Variants in MYCBP2 observed in about 807,000 individuals in gnomAD.
MYCBP2 encodes the protein E3 ubiquitin-protein ligase MYCBP2.
In MYCBP2, 120 loss-of-function variants were observed where a neutral mutation model predicts 525.3. The observed-to-expected ratio is 0.23, with a 90% CI of 0.20 to 0.27. The LOEUF (loss-of-function observed/expected upper bound fraction) is 0.27. Ranked by LOEUF, MYCBP2 falls within the 10% of genes least tolerant of loss-of-function variation. The pLI is 1.00. For synonymous variants in MYCBP2, 1,894 were observed against 1,955.8 expected, an observed-to-expected ratio of 0.97 and a Z score of 0.83; for missense variants, 4,149 against 5,657.1, an observed-to-expected ratio of 0.73 and a Z score of 8.55.
intron 49 of MYCBP2, among the ~76,000 whole-genome samples, chr13:77,142,167 C>T (rs992581227): frequency 3.3e-5 from 5 of 152,108 alleles, no homozygotes; most frequent in African/African-American, 1.2e-4. Flanking sequence ...TTGGCTATTT[C>T]TACTTTCGAA....
intron 23 of MYCBP2, among the ~76,000 whole-genome samples, chr13:77,210,113 C>T (rs1332886989): frequency 6.6e-6 from 1 of 152,082 alleles, no homozygotes; most frequent in Non-Finnish European, 1.5e-5. Flanking sequence ...TGGCAGGGTA[C>T]ACCTCCTATT....
chr13:77,136,098 C>T (rs533612390), intron 52 of MYCBP2, among the ~76,000 whole-genome samples: 5 of 152,272 alleles, frequency 3.3e-5, no homozygotes, highest in African/African-American at 7.2e-5. Flanking sequence ...GCATAATAGG[C>T]GTGAGCCACC....
chr13:77,240,436 C>T (rs1018194060), intron 17 of MYCBP2, among the ~76,000 whole-genome samples: 3 of 151,994 alleles, frequency 2.0e-5, no homozygotes, highest in Admixed American at 6.6e-5. Flanking sequence ...GGTGAAACCT[C>T]GCCTCTACTA....
rs762683024 is a variant in MYCBP2 at position 77,096,402 on chromosome 13, A to G, written c.9864T>C (p.Asp3288=). The G allele has an allele frequency of 1.9e-6, 3 of 1,613,336 alleles. No homozygotes were observed. Among genetic ancestry groups the G allele is most frequent in the East Asian group, 2.2e-5 (1 of 44,858 alleles). Residue 3288 remains aspartate, a synonymous_variant, in exon 57 of 83, where the codon GAT becomes GAC. Transcript: ENST00000544440. ...ACCAAGTGCTTCCTCCTATGCCACC[A>G]TCACCACAGTTACCAGCCCATCCTC... ...FCGGWAGNCG[D]GGIGGSTWYL... is the part of the protein sequence containing the mutation.
At chr13:77,197,470 T>C (rs544394925) in intron 26 of MYCBP2, among the ~76,000 whole-genome samples, 2 of 152,258 alleles carry the variant, frequency 1.3e-5, no homozygotes, top group South Asian at 2.1e-4. Context: ...TCAGTTGAGA[T>C]ATTATGACTG....
chr13:77,258,304 T>C (rs1280296981), intron 13 of MYCBP2, among the ~76,000 whole-genome samples: 1 of 152,230 alleles, frequency 6.6e-6, no homozygotes, highest in African/African-American at 2.4e-5. Flanking sequence ...CAACCTACAA[T>C]GCTTTCTTCC....
Position 77,205,734 on chromosome 13 carries a change from T to A in MYCBP2, c.3590-136A>T, listed in dbSNP as rs75896226. ...ACTCCAAGCTTTAAACATCATTTCA[T>A]GGAAGAATGCTTAAAACCAATACAA... On this transcript the variant is annotated intron_variant, in intron 24 of 82. Coordinates refer to ENST00000544440, the MANE Select transcript of MYCBP2 (RefSeq NM_015057.5). 2.1e-3 allele frequency: 1,535 copies of A among 722,378 alleles called. 23 individuals are homozygous for A. The African/African-American group carries it at 0.025, about 12-fold the overall frequency. The allele number at this position is 722,378 out of a possible 1,614,324, so 44.7% of individuals were successfully genotyped here.
intron 29 of MYCBP2, 121 bp from the exon 30 acceptor site, chr13:77,189,168 G>A (rs1437264859): frequency 1.6e-6 from 1 of 635,080 alleles, no homozygotes; most frequent in Non-Finnish European, 2.4e-6. Flanking sequence ...TTTTTGCCAG[G>A]TAATGCCAAT....
rs1162945119 is a variant in MYCBP2, at chr13:77,077,342, G to C, written c.11530C>G (p.Pro3844Ala). 1 of 1,613,958 alleles carries C rather than the reference G, an allele frequency of 6.2e-7. No individual in the cohort carries two copies. The highest frequency in any genetic ancestry group is 1.7e-5 in the Admixed American group (1 of 59,972). The change falls in exon 67 of 83, where the codon CCA (proline) becomes GCA (alanine). Residue 3844 changes from proline (P) to alanine (A), a missense_variant. Pro to Ala is a conservative substitution (Grantham distance 27). Transcript: ENST00000544440. Reference sequence around the variant, plus strand: ...TTTATGATGTGATTATCCCCTCCTGGAAGTTCACTTGTTACCCAGCCAATG... The same window carrying C: ...TTTATGATGTGATTATCCCCTCCTGCAAGTTCACTTGTTACCCAGCCAATG... ...RHIGWVTSEL[P>A]GGDNHIIKIE... is the part of the protein sequence containing the mutation.
chr13:77,276,805 T>C (rs2075649508), intron 4 of MYCBP2, among the ~76,000 whole-genome samples: 1 of 147,262 alleles, frequency 6.8e-6, no homozygotes, highest in Admixed American at 7.1e-5. Context: ...TAGCACTCAT[T>C]TCCATGCCCA....
intron 18 of MYCBP2, among the ~76,000 whole-genome samples, chr13:77,225,840 G>A (rs2154296244): frequency 6.6e-6 from 1 of 152,196 alleles, no homozygotes; most frequent in East Asian, 1.9e-4. Flanking sequence ...TTAAGTTATA[G>A]AAATAACAAA....
chr13:77,123,991 G>A (rs2051215063), intron 54 of MYCBP2, among the ~76,000 whole-genome samples: 1 of 152,098 alleles, frequency 6.6e-6, no homozygotes, highest in African/African-American at 2.4e-5. Flanking sequence ...TTTTTCAAAT[G>A]AACAGTTCTA....
chr13:77,167,500 A>G (rs1182139446), intron 40 of MYCBP2, among the ~76,000 whole-genome samples: 2 of 152,188 alleles, frequency 1.3e-5, no homozygotes, highest in Non-Finnish European at 2.9e-5. Flanking sequence ...AGAGAGACAG[A>G]GGGAGACTTA....
chr13:77,212,025 T>C lies in MYCBP2; in HGVS notation c.3193A>G (p.Ile1065Val), dbSNP rs374655730. 3.7e-6 allele frequency: 6 copies of C among 1,614,014 alleles called. No homozygotes were observed. The highest frequency in any genetic ancestry group is 2.7e-5 in the African/African-American group (2 of 74,946). Residue 1065 changes from isoleucine (I) to valine (V), a missense_variant, in exon 22 of 83, where the codon ATT becomes GTT. Physicochemically the swap from Ile to Val is conservative, Grantham distance 29 (BLOSUM62 3). Coordinates refer to ENST00000544440, the MANE Select transcript of MYCBP2 (RefSeq NM_015057.5). The part of the protein sequence containing the change: ...GASGDQTFLR[I>V]DEALINSHVL... ...TGAGAATTAATAAGTGCTTCATCAA[T>C]TCGTAAAAAAGTTTGGTCCCCACTT...
chr13:77,119,838 C>T (rs1036725181), intron 55 of MYCBP2, among the ~76,000 whole-genome samples: 2 of 152,138 alleles, frequency 1.3e-5, no homozygotes, highest in Admixed American at 6.6e-5. Flanking sequence ...GATCCTGTTG[C>T]CTCAGCTTCC....
In MYCBP2 at chr13:77,157,252, A is replaced by AT. The variant is rs1420748920; in HGVS notation, c.6770+684dup. The stretch of plus-strand genomic sequence containing the variant: ...GCCACCATGCTTGGCTAATTTTTGT[A>AT]TTTTTTGCAGAGACAGGGTTTCACC... On this transcript the variant is annotated intron_variant, in intron 45 of 82. Coordinates refer to ENST00000544440, the MANE Select transcript of MYCBP2 (RefSeq NM_015057.5). 1.3e-4 allele frequency among the ~76,000 whole-genome samples: 19 copies of AT among 151,990 alleles called. 1 individual carries two copies. The East Asian group carries it at 3.7e-3, about 29-fold the overall frequency.
intron 55 of MYCBP2, 120 bp from the exon 56 acceptor site, chr13:77,099,133 C>A (rs757113074): frequency 7.9e-7 from 1 of 1,263,346 alleles, no homozygotes; most frequent in African/African-American, 1.5e-5. Context: ...GTCATACATA[C>A]TAAAATACTT....
chr13:77,048,097 C>T (rs1048942996), intron 82 of MYCBP2, among the ~76,000 whole-genome samples: 6 of 152,150 alleles, frequency 3.9e-5, no homozygotes, highest in Non-Finnish European at 5.9e-5. Flanking sequence ...GCTGAGACTA[C>T]AACATTAACA....
At chr13:77,174,252 T>C (rs908175274) in intron 37 of MYCBP2, 59 bp downstream of exon 37, 3 of 1,537,410 alleles carry the variant, frequency 2.0e-6, no homozygotes, top group Admixed American at 3.4e-5. Context: ...TACCTGGTAG[T>C]AGACTGTGTA....
Sources: allele counts gnomAD v4.1 joint callset (sites outside exome capture counted in the v4.1 genomes callset), GRCh38; gene constraint gnomAD v4.1.1; transcripts MANE v1.5; gene names NCBI Gene and HGNC (gene_info 2026-07-23, HGNC 2026-07-21).